The following MCOLN2 variants were observed in gnomAD, a reference collection of about 807,000 sequenced individuals.
MCOLN2 encodes the protein mucolipin-2.
Under a neutral mutation model 67.5 loss-of-function variants are expected in MCOLN2, and 57 were observed. The observed-to-expected ratio is 0.84, with a 90% CI of 0.68 to 1.05. The LOEUF (loss-of-function observed/expected upper bound fraction) is 1.05, where lower values mean the gene tolerates loss of function less well. Ranked by LOEUF, MCOLN2 falls within the 50% of genes least tolerant of loss-of-function variation. MCOLN2 has a pLI of 0.00. For synonymous variants in MCOLN2, 246 were observed against 233.3 expected (o/e 1.05, Z -0.50); for missense variants, 620 against 678.8 (o/e 0.91, Z 0.96).
At chr1:84,958,858 C>T (rs1557648128) in intron 2 of MCOLN2, among the ~76,000 whole-genome samples, 156 bp from the exon 3 acceptor site, 1 of 152,058 alleles carries the variant, frequency 6.6e-6, no homozygotes, top group East Asian at 1.9e-4. Context: ...AAATACAAGT[C>T]CCACAGAAGA....
At position 84,926,017 on chromosome 1, in the gene MCOLN2, G is replaced by A. The variant is rs1380112168; in HGVS notation, c.*668C>T. 2.0e-5 allele frequency: 3 copies of A among 152,082 alleles called. No individual in the cohort carries two copies. The highest frequency in any genetic ancestry group is 4.4e-5 in the Non-Finnish European group (3 of 68,136). 9.4% of individuals were successfully genotyped at this position (152,082 alleles called of 1,614,324 possible). On this transcript the variant is annotated 3_prime_UTR_variant, in exon 14 of 14. Coordinates refer to ENST00000370608, the MANE Select transcript of MCOLN2 (RefSeq NM_153259.4). ...TGATCCTCCCACTTCAGCTTCCCAA[G>A]TAGCTGGGACTACAGATGCCTGCCA...
chr1:84,971,694 C>T (rs1186941312), intron 1 of MCOLN2, among the ~76,000 whole-genome samples: 1 of 152,114 alleles, frequency 6.6e-6, no homozygotes, highest in Non-Finnish European at 1.5e-5. Flanking sequence ...ACCCTATATA[C>T]CTTGCAATGC....
At chr1:84,985,268 A>T (rs1650450156) in intron 1 of MCOLN2, among the ~76,000 whole-genome samples, 1 of 152,152 alleles carries the variant, frequency 6.6e-6, no homozygotes, top group Non-Finnish European at 1.5e-5. Context: ...AACACTTTTC[A>T]GGCTTATTGG....
chr1:84,943,385 G>A (rs1013799688), intron 7 of MCOLN2, among the ~76,000 whole-genome samples: 7 of 152,114 alleles, frequency 4.6e-5, no homozygotes, highest in African/African-American at 1.7e-4. Flanking sequence ...CCCTCAGAGA[G>A]ACCACTGGGA....
At chr1:84,961,104 T>G (rs1031361680) in intron 2 of MCOLN2, among the ~76,000 whole-genome samples, 2 of 152,166 alleles carry the variant, frequency 1.3e-5, no homozygotes, top group Non-Finnish European at 2.9e-5. Flanking sequence ...CTGATGAATA[T>G]AATCCCATTT....
chr1:84,974,688 C>T lies in MCOLN2; in HGVS notation c.78-8980G>A, dbSNP rs1649909695. On this transcript the variant is annotated intron_variant, in intron 1 of 13. Transcript: ENST00000370608. ...GTGAGCCTCTGAGACTTGCTGGCTT[C>T]AGGTTCATCTCGGCTATTGGGGGGT... is the stretch of plus-strand genomic sequence containing the variant. Among the ~76,000 whole-genome samples, 3 of 152,092 alleles carry T rather than the reference C, an allele frequency of 2.0e-5. No homozygotes were observed. In the South Asian group the frequency reaches 6.2e-4, roughly 31 times the overall value.
chr1:84,970,292 C>T (rs11800103), intron 1 of MCOLN2, among the ~76,000 whole-genome samples: 41,181 of 148,802 alleles, frequency 0.28, 6,177 homozygotes, highest in East Asian at 0.36. Context: ...CACACACAGC[C>T]TCTGGGTGAG....
chr1:84,945,599 C>A lies in MCOLN2; in HGVS notation c.847+1434G>T, dbSNP rs368310200. On this transcript the variant is annotated intron_variant, in intron 7 of 13. Coordinates refer to ENST00000370608, the MANE Select transcript of MCOLN2 (RefSeq NM_153259.4). ...TTTACATTTTATTTCATTCTGATAA[C>A]CTGGTCAAAAGGAAAGTCATTTAAA... is the stretch of plus-strand genomic sequence containing the variant. Among the ~76,000 whole-genome samples, 46 of 152,208 alleles carry A rather than the reference C, an allele frequency of 3.0e-4. 2 individuals carry two copies. The highest frequency in any genetic ancestry group is 1.0e-3 in the African/African-American group (43 of 41,516).
At chr1:84,948,461 C>A (rs1648235989) in intron 6 of MCOLN2, among the ~76,000 whole-genome samples, 1 of 152,054 alleles carries the variant, frequency 6.6e-6, no homozygotes, top group Non-Finnish European at 1.5e-5. Context: ...GAAAGCTATT[C>A]CATAAAATTG....
chr1:84,927,688 G>A (rs1375572749), intron 13 of MCOLN2, among the ~76,000 whole-genome samples: 1 of 152,156 alleles, frequency 6.6e-6, no homozygotes, highest in Non-Finnish European at 1.5e-5. Context: ...CCAGACAGGG[G>A]GCACAAAAAC....
chr1:84,955,409 C>A (rs1648732840), intron 4 of MCOLN2, among the ~76,000 whole-genome samples: 1 of 152,028 alleles, frequency 6.6e-6, no homozygotes, highest in South Asian at 2.1e-4. Context: ...GAAAAAGAAC[C>A]AGCTATGCAT....
chr1:84,990,446 T>TAA (rs11395176), intron 1 of MCOLN2, among the ~76,000 whole-genome samples: 4 of 151,300 alleles, frequency 2.6e-5, no homozygotes, highest in Non-Finnish European at 4.4e-5. Context: ...TAATAATAAT[T>TAA]AAAAAAAAGA....
intron 2 of MCOLN2, among the ~76,000 whole-genome samples, chr1:84,961,202 T>C (rs938917399): frequency 5.3e-5 from 8 of 152,206 alleles, no homozygotes; most frequent in African/African-American, 1.9e-4. Flanking sequence ...CAGGTCTGAT[T>C]GATTCTAGAG....
chr1:84,975,238 C>T (rs972730674), intron 1 of MCOLN2, among the ~76,000 whole-genome samples: 18 of 152,160 alleles, frequency 1.2e-4, no homozygotes, highest in African/African-American at 4.3e-4. Context: ...GGGCAACACC[C>T]AGTGCTGTGC....
At chr1:84,940,515 T>C (rs1446821473) in intron 8 of MCOLN2, among the ~76,000 whole-genome samples, 1 of 152,240 alleles carries the variant, frequency 6.6e-6, no homozygotes, top group Non-Finnish European at 1.5e-5. Context: ...TGAACTCTGA[T>C]TTGAAGACAA....
chr1:84,995,711 C>T (rs1651108018), intron 1 of MCOLN2, among the ~76,000 whole-genome samples: 1 of 152,092 alleles, frequency 6.6e-6, no homozygotes, highest in Non-Finnish European at 1.5e-5. Context: ...TCTTGACTTT[C>T]AGTTCTGTAT....
intron 6 of MCOLN2, among the ~76,000 whole-genome samples, chr1:84,948,590 A>G (rs983149024): frequency 6.6e-6 from 1 of 152,228 alleles, no homozygotes; most frequent in Non-Finnish European, 1.5e-5. Context: ...CAGACCCCAA[A>G]GAAAAGGATA....
At position 84,958,581 on chromosome 1, in the gene MCOLN2, C is replaced by T. The variant is rs376144503; in HGVS notation, c.359G>A (p.Ser120Asn). Residue 120 changes from serine (S) to asparagine (N), a missense_variant, in exon 3 of 14, where the codon AGT becomes AAT. Transcript: ENST00000370608. ...ATAGGCATCCTCTTGAGTATATACA[C>T]TGCAGCTGTAGTCATCTTCATCTGT... ...SGTDEDDYSC[S>N]VYTQEDAYES... 1.2e-6 allele frequency: 2 copies of T among 1,610,776 alleles called. No individual in the cohort carries two copies. The highest frequency in any genetic ancestry group is 8.5e-7 in the Non-Finnish European group (1 of 1,179,430).
At chr1:84,970,885 T>C (rs937646598) in intron 1 of MCOLN2, among the ~76,000 whole-genome samples, 12 of 152,204 alleles carry the variant, frequency 7.9e-5, no homozygotes, top group Non-Finnish European at 1.5e-4. Context: ...AAATAATTCT[T>C]CTGACTGCTG....
Sources: allele counts gnomAD v4.1 joint callset (sites outside exome capture counted in the v4.1 genomes callset), GRCh38; gene constraint gnomAD v4.1.1; transcripts MANE v1.5; gene names NCBI Gene and HGNC (gene_info 2026-07-23, HGNC 2026-07-21).